The following RALYL variants were observed in gnomAD, a reference collection of about 807,000 sequenced individuals.
RALYL encodes RALY RNA binding protein like.
Under a neutral mutation model 35.1 loss-of-function variants are expected in RALYL, and 29 were observed. The ratio of observed to expected loss-of-function variants is 0.83; its 90% CI spans 0.61 to 1.13. The LOEUF (loss-of-function observed/expected upper bound fraction) is 1.13, where lower values mean the gene tolerates loss of function less well. RALYL is among the 50% of genes most tolerant of loss of function. The pLI is 0.00. For missense variants in RALYL, 359 were observed against 360.4 expected (o/e 1.00, Z 0.03); for synonymous variants, 120 against 127.6 (o/e 0.94, Z 0.40).
At chr8:84,292,022 ACTC>A (rs1323478803) in intron 1 of RALYL, among the ~76,000 whole-genome samples, 53 of 151,694 alleles carry the variant, frequency 3.5e-4, no homozygotes, top group South Asian at 3.1e-3. Flanking sequence ...TATATGTACT[ACTC>A]AGAAAAATAA....
At chr8:84,431,661 T>C (rs1031501223) in intron 1 of RALYL, among the ~76,000 whole-genome samples, 1 of 152,164 alleles carries the variant, frequency 6.6e-6, no homozygotes, top group Non-Finnish European at 1.5e-5. Flanking sequence ...TTTGTCTTTC[T>C]GTCCTGGATG....
At chr8:84,619,330 C>T (rs1820682225) in intron 2 of RALYL, among the ~76,000 whole-genome samples, 1 of 151,310 alleles carries the variant, frequency 6.6e-6, no homozygotes, top group African/African-American at 2.5e-5. Flanking sequence ...TTGAATTGAT[C>T]CCTTTACCAT....
At chr8:84,671,610 C>T (rs1252300619) in intron 2 of RALYL, among the ~76,000 whole-genome samples, 2 of 152,224 alleles carry the variant, frequency 1.3e-5, no homozygotes, top group African/African-American at 2.4e-5. Flanking sequence ...CACATGGAAG[C>T]TGCCACAGCT....
intron 4 of RALYL, among the ~76,000 whole-genome samples, chr8:84,830,024 G>A (rs1043845312): frequency 2.1e-5 from 3 of 140,410 alleles, no homozygotes; most frequent in African/African-American, 7.8e-5. Context: ...ACTGGGGGGG[G>A]GGGGGCATTT....
chr8:84,214,677 T>C (rs1013358865), intron 1 of RALYL, among the ~76,000 whole-genome samples: 1 of 152,132 alleles, frequency 6.6e-6, no homozygotes, highest in African/African-American at 2.4e-5. Context: ...ATTAACCCTC[T>C]TCAGTGCTAC....
chr8:84,311,218 G>T (rs1431037414), intron 1 of RALYL, among the ~76,000 whole-genome samples: 2 of 151,072 alleles, frequency 1.3e-5, no homozygotes, highest in Admixed American at 6.6e-5. Flanking sequence ...CCTTTAAAAA[G>T]TCCCATTGAA....
At chr8:84,190,963 GGT>G (rs1423780728) in intron 1 of RALYL, among the ~76,000 whole-genome samples, 1 of 151,592 alleles carries the variant, frequency 6.6e-6, no homozygotes, top group East Asian at 1.9e-4. Context: ...AAGTATGTGG[GGT>G]GTGTGTGTGT....
intron 3 of RALYL, among the ~76,000 whole-genome samples, chr8:84,778,630 A>G (rs138710652): frequency 1.3e-5 from 2 of 152,178 alleles, no homozygotes; most frequent in Admixed American, 1.3e-4. Context: ...AGGGAAGGGC[A>G]TCTCATAGTA....
intron 1 of RALYL, chr8:84,185,369 G>T: frequency 3.7e-6 from 1 of 270,592 alleles, no homozygotes. Context: ...TGGTGATAGA[G>T]GTGATGATTT....
At chr8:84,405,517 T>C (rs2043383949) in intron 1 of RALYL, among the ~76,000 whole-genome samples, 1 of 152,000 alleles carries the variant, frequency 6.6e-6, no homozygotes, top group South Asian at 2.1e-4. Context: ...TAAAAAATGA[T>C]AAAGGGGATA....
intron 2 of RALYL, among the ~76,000 whole-genome samples, chr8:84,767,892 C>T (rs1234902589): frequency 1.3e-5 from 2 of 152,154 alleles, no homozygotes; most frequent in Non-Finnish European, 2.9e-5. Flanking sequence ...ACAATGACTA[C>T]AAATTTAACT....
At chr8:84,453,189 C>T (rs1258485819) in intron 1 of RALYL, among the ~76,000 whole-genome samples, 1 of 151,756 alleles carries the variant, frequency 6.6e-6, no homozygotes. Context: ...GGAGTTTAAA[C>T]AAATGCATAT....
intron 1 of RALYL, among the ~76,000 whole-genome samples, chr8:84,381,145 A>T (rs1258364045): frequency 6.6e-6 from 1 of 151,966 alleles, no homozygotes; most frequent in East Asian, 1.9e-4. Context: ...AAGGGAAGAG[A>T]TGACCCCAAC....
intron 1 of RALYL, among the ~76,000 whole-genome samples, chr8:84,361,484 G>T (rs1372283694): frequency 6.6e-6 from 1 of 152,192 alleles, no homozygotes; most frequent in Non-Finnish European, 1.5e-5. Flanking sequence ...TGCTGTGGAG[G>T]ATGGGGTGGC....
chr8:84,912,187 AG>A (rs144919892), intron 8 of RALYL, among the ~76,000 whole-genome samples: 4,283 of 152,102 alleles, frequency 0.028, 216 homozygotes, highest in African/African-American at 0.098. Flanking sequence ...GTGAGAGCAA[AG>A]GGCTTGTTAT....
At chr8:84,702,769 G>A (rs749033209) in intron 2 of RALYL, among the ~76,000 whole-genome samples, 6 of 151,868 alleles carry the variant, frequency 4.0e-5, no homozygotes, top group East Asian at 1.9e-4. Context: ...ATAAATGAAA[G>A]GTATAGATAC....
At chr8:84,297,439 CTTTA>C (rs1200182642) in intron 1 of RALYL, among the ~76,000 whole-genome samples, 1 of 152,014 alleles carries the variant, frequency 6.6e-6, no homozygotes, top group Non-Finnish European at 1.5e-5. Flanking sequence ...ACCACATTTT[CTTTA>C]TTCAGTCTAC....
chr8:84,281,818 C>CACACAT (rs1338337828), intron 1 of RALYL, among the ~76,000 whole-genome samples: 2 of 151,878 alleles, frequency 1.3e-5, no homozygotes, highest in Non-Finnish European at 2.9e-5. Context: ...TATATTTACA[C>CACACAT]ACACATACAC....
At chr8:84,486,124 A>G (rs2054591129) in intron 1 of RALYL, among the ~76,000 whole-genome samples, 1 of 148,964 alleles carries the variant, frequency 6.7e-6, no homozygotes, top group Admixed American at 6.8e-5. Context: ...CAGTGTACCT[A>G]GTGTGCATTT....
Sources: gnomAD v4.1 joint callset for allele counts (sites outside exome capture counted in the v4.1 genomes callset) on GRCh38, gnomAD v4.1.1 for gene constraint, MANE v1.5 for transcripts, NCBI Gene and HGNC (gene_info 2026-07-23, HGNC 2026-07-21) for gene names.